Variants in DSCAM observed in about 807,000 individuals in gnomAD.
The protein encoded by DSCAM is DS cell adhesion molecule, also known as cell adhesion molecule DSCAM.
DSCAM carries 47 observed loss-of-function variants against 217.7 expected under a neutral mutation model. The observed-to-expected ratio is 0.22, with a 90% CI of 0.17 to 0.28. The LOEUF (loss-of-function observed/expected upper bound fraction) is 0.28, where lower values mean the gene tolerates loss of function less well. DSCAM is among the 10% of genes least tolerant of loss of function. The pLI is 1.00. For missense variants in DSCAM, 2,080 were observed against 2,618.3 expected, an observed-to-expected ratio of 0.79 and a Z score of 4.49; for synonymous variants, 1,056 against 1,015.3, an observed-to-expected ratio of 1.04 and a Z score of -0.76.
intron 3 of DSCAM, among the ~76,000 whole-genome samples, chr21:40,612,169 A>AGAAATTAAATATG (rs2146280588): frequency 6.6e-6 from 1 of 152,296 alleles, no homozygotes; most frequent in Non-Finnish European, 1.5e-5. Flanking sequence ...ACGATTTTAT[A>AGAAATTAAATATG]GAAATTAAAT....
chr21:40,167,190 C>G (rs773216155), intron 16 of DSCAM, 28 bp downstream of exon 16: 57 of 1,610,114 alleles, frequency 3.5e-5, no homozygotes, highest in Middle Eastern at 3.3e-4. Context: ...GGGAAAGCAC[C>G]GAGAATACAA....
At chr21:40,219,962 T>C (rs963959950) in intron 11 of DSCAM, among the ~76,000 whole-genome samples, 2 of 152,222 alleles carry the variant, frequency 1.3e-5, no homozygotes, top group African/African-American at 4.8e-5. Flanking sequence ...TAAAAGATAC[T>C]AAATAGCTGT....
At chr21:40,714,535 A>T (rs2090820216) in intron 1 of DSCAM, among the ~76,000 whole-genome samples, 1 of 152,198 alleles carries the variant, frequency 6.6e-6, no homozygotes, top group Non-Finnish European at 1.5e-5. Context: ...GATTTACTTG[A>T]AACCTGTTAC....
In DSCAM at chr21:40,279,052, G is replaced by A. The variant is rs1264513381; in HGVS notation, c.2183-2782C>T. ...GTTCTTTATTACATATCTAAAATAT[G>A]AATTTTCATAAAATGATTCTAAGTA... On this transcript the variant is annotated intron_variant, in intron 10 of 32. Coordinates refer to ENST00000400454, the MANE Select transcript of DSCAM (RefSeq NM_001389.5). 2.6e-5 allele frequency among the ~76,000 whole-genome samples: 4 copies of A among 152,126 alleles called. No homozygotes were observed. The East Asian group carries it at 7.7e-4, about 29-fold the overall frequency.
rs1262467828 is a variant in DSCAM, at chr21:40,634,147, CGG to C, written c.508+58661_508+58662del. Among the ~76,000 whole-genome samples, 10 of 152,122 alleles carry C rather than the reference CGG, an allele frequency of 6.6e-5. No homozygotes were observed. The East Asian group carries it at 1.9e-3, about 29-fold the overall frequency. On this transcript the variant is annotated intron_variant, in intron 3 of 32. Transcript: ENST00000400454. Reference sequence around the variant, plus strand: ...CTTTATTGAAAGACGACTTGATGAACGGTTAATGGAGGAGTAAAAGCACAAGA... The same window carrying C: ...CTTTATTGAAAGACGACTTGATGAACTTAATGGAGGAGTAAAAGCACAAGA...
At chr21:40,242,962 C>G (rs1249494959) in intron 11 of DSCAM, among the ~76,000 whole-genome samples, 2 of 152,194 alleles carry the variant, frequency 1.3e-5, no homozygotes, top group African/African-American at 4.8e-5. Context: ...AACTTCTGTC[C>G]TTGAAGGTGA....
intron 29 of DSCAM, among the ~76,000 whole-genome samples, chr21:40,053,687 G>A (rs901118185): frequency 6.6e-6 from 1 of 152,172 alleles, no homozygotes; most frequent in Non-Finnish European, 1.5e-5. Flanking sequence ...CCATTGTCAG[G>A]CATCACAAGG....
intron 11 of DSCAM, among the ~76,000 whole-genome samples, chr21:40,219,415 A>G (rs1601453742): frequency 6.6e-6 from 1 of 152,206 alleles, no homozygotes; most frequent in African/African-American, 2.4e-5. Flanking sequence ...ATTTAAACCC[A>G]TAATTTAAAA....
At chr21:40,771,244 T>C (rs111486248) in intron 1 of DSCAM, among the ~76,000 whole-genome samples, 2,531 of 152,250 alleles carry the variant, frequency 0.017, 64 homozygotes, top group African/African-American at 0.057. Flanking sequence ...TTTTACCAGG[T>C]ATTTTCATTG....
chr21:40,369,385 C>CCT, intron 3 of DSCAM, 140 bp from the exon 4 acceptor site: 1 of 384,510 alleles, frequency 2.6e-6, no homozygotes, highest in South Asian at 5.8e-5. Flanking sequence ...CGTGCGTCTG[C>CCT]GTGTGTGTGT....
chr21:40,384,585 C>A, intron 3 of DSCAM: 1 of 153,160 alleles, frequency 6.5e-6, no homozygotes, highest in Non-Finnish European at 1.5e-5. Flanking sequence ...CCAGCCTGGG[C>A]AACAAGAGCG....
At chr21:40,046,267 C>T (rs2837385) in intron 30 of DSCAM, among the ~76,000 whole-genome samples, 73,762 of 152,016 alleles carry the variant, frequency 0.49, 18,829 homozygotes, top group African/African-American at 0.63. Context: ...CATTCTGTGT[C>T]GCTGGAGAGG....
At chr21:40,809,118 C>A (rs868833312) in intron 1 of DSCAM, among the ~76,000 whole-genome samples, 1 of 152,108 alleles carries the variant, frequency 6.6e-6, no homozygotes, top group Admixed American at 6.5e-5. Flanking sequence ...GAGACCAGAG[C>A]ATCCACCTAG....
At chr21:40,669,800 A>G (rs931926012) in intron 3 of DSCAM, among the ~76,000 whole-genome samples, 1 of 152,108 alleles carries the variant, frequency 6.6e-6, no homozygotes, top group Non-Finnish European at 1.5e-5. Flanking sequence ...GCTCATCTCG[A>G]ACTCAGGTAA....
At chr21:40,183,503 A>G (rs1435168926) in intron 14 of DSCAM, among the ~76,000 whole-genome samples, 1 of 152,206 alleles carries the variant, frequency 6.6e-6, no homozygotes, top group South Asian at 2.1e-4. Flanking sequence ...AGGAGATACA[A>G]TAACAAGGAC....
intron 3 of DSCAM, among the ~76,000 whole-genome samples, chr21:40,428,794 A>T (rs2075501438): frequency 6.6e-6 from 1 of 152,062 alleles, no homozygotes; most frequent in African/African-American, 2.4e-5. Context: ...GACCACTGAC[A>T]TGATATCGTT....
At chr21:40,281,067 G>A (rs908369744) in intron 10 of DSCAM, among the ~76,000 whole-genome samples, 1 of 152,096 alleles carries the variant, frequency 6.6e-6, no homozygotes, top group African/African-American at 2.4e-5. Context: ...GTGAACCAGA[G>A]GTCTCAGCTA....
chr21:40,807,293 T>C (rs1198826623), intron 1 of DSCAM, among the ~76,000 whole-genome samples: 1 of 152,112 alleles, frequency 6.6e-6, no homozygotes, highest in Admixed American at 6.6e-5. Flanking sequence ...GTCCTTAAAC[T>C]TGGGATCCAC....
intron 11 of DSCAM, among the ~76,000 whole-genome samples, chr21:40,216,282 A>AT (rs1569004953): frequency 2.6e-4 from 39 of 149,734 alleles, no homozygotes; most frequent in East Asian, 1.8e-3. Flanking sequence ...TTAAAAAAAA[A>AT]ATTTTTTTTT....
Sources: gnomAD v4.1 joint callset for allele counts (sites outside exome capture counted in the v4.1 genomes callset) on GRCh38, gnomAD v4.1.1 for gene constraint, MANE v1.5 for transcripts, NCBI Gene and HGNC (gene_info 2026-07-23, HGNC 2026-07-21) for gene names.